The following CNTN5 variants were observed in gnomAD, a reference collection of about 807,000 sequenced individuals.
CNTN5 encodes contactin 5.
A neutral mutation model predicts 129.1 loss-of-function variants in CNTN5; 77 were observed. The observed-to-expected ratio is 0.60, with a 90% CI of 0.50 to 0.72. CNTN5 has a LOEUF of 0.72. CNTN5 is among the 30% of genes least tolerant of loss of function. The probability of loss-of-function intolerance (pLI) is 0.00; values close to 1 mark genes in which losing one functional copy is unlikely to be tolerated. For missense variants in CNTN5, 1,478 were observed against 1,328.8 expected (o/e 1.11, Z -1.75); for synonymous variants, 509 against 465.6 (o/e 1.09, Z -1.20).
At chr11:100,101,551 C>A (rs576455247) in intron 13 of CNTN5, among the ~76,000 whole-genome samples, 1 of 152,146 alleles carries the variant, frequency 6.6e-6, no homozygotes, top group Non-Finnish European at 1.5e-5. Context: ...TTACTCTAAA[C>A]TCCTAAGAAA....
chr11:99,578,342 C>T (rs916326700), intron 3 of CNTN5, among the ~76,000 whole-genome samples: 97 of 150,640 alleles, frequency 6.4e-4, no homozygotes, highest in South Asian at 1.5e-3. Context: ...GGGTATATAC[C>T]CAGTAATGGG....
intron 1 of CNTN5, among the ~76,000 whole-genome samples, chr11:99,037,214 G>A (rs1039861883): frequency 2.0e-5 from 3 of 152,116 alleles, no homozygotes; most frequent in African/African-American, 7.2e-5. Context: ...GAATCTCACT[G>A]GGAATTTTTT....
chr11:99,149,709 T>C (rs1178829654), intron 1 of CNTN5, among the ~76,000 whole-genome samples: 4 of 152,192 alleles, frequency 2.6e-5, no homozygotes, highest in Non-Finnish European at 4.4e-5. Flanking sequence ...ACTGCTTCTA[T>C]CTATGGATGT....
intron 1 of CNTN5, among the ~76,000 whole-genome samples, chr11:99,119,541 T>C (rs1858205368): frequency 6.6e-6 from 1 of 152,220 alleles, no homozygotes; most frequent in South Asian, 2.1e-4. Flanking sequence ...ATACCATTTA[T>C]GGGCATTCAG....
intron 3 of CNTN5, among the ~76,000 whole-genome samples, chr11:99,560,392 A>G (rs1442194342): frequency 6.6e-6 from 1 of 151,826 alleles, no homozygotes; most frequent in African/African-American, 2.4e-5. Flanking sequence ...TCCGGGTTCA[A>G]GAAATTCTCC....
chr11:99,270,051 T>A, intron 1 of CNTN5, among the ~76,000 whole-genome samples: 1 of 151,838 alleles, frequency 6.6e-6, no homozygotes, highest in East Asian at 1.9e-4. Flanking sequence ...TTAATCTCTT[T>A]ATTTACTTAC....
At chr11:99,050,682 A>G (rs912302489) in intron 1 of CNTN5, among the ~76,000 whole-genome samples, 4 of 151,916 alleles carry the variant, frequency 2.6e-5, no homozygotes, top group Admixed American at 6.6e-5. Flanking sequence ...CATAGTTACT[A>G]TTGTTTATGC....
chr11:99,841,359 T>A (rs997097237), intron 4 of CNTN5, among the ~76,000 whole-genome samples: 1 of 152,162 alleles, frequency 6.6e-6, no homozygotes, highest in Non-Finnish European at 1.5e-5. Flanking sequence ...CTTGTCCTGT[T>A]TTCACAATTT....
In CNTN5 at chr11:99,320,458, A is replaced by G. The variant is rs1001375527; in HGVS notation, c.-209-4888A>G. Among the ~76,000 whole-genome samples the G allele has an allele frequency of 2.0e-5, 3 of 152,132 alleles. No individual in the cohort carries two copies. The South Asian group carries it at 6.2e-4, about 32-fold the overall frequency. On this transcript the variant is annotated intron_variant, in intron 1 of 24. Transcript: ENST00000524871. The stretch of plus-strand genomic sequence containing the variant: ...TTGAGGAATCCAAGGGAAAAAAGAG[A>G]CATAAATTTGGAAGTTTTTTGTGTA...
chr11:99,140,418 G>T (rs1859453853), intron 1 of CNTN5, among the ~76,000 whole-genome samples: 1 of 151,808 alleles, frequency 6.6e-6, no homozygotes, highest in African/African-American at 2.4e-5. Context: ...ATATCATCTG[G>T]GAAGAGAGAT....
At chr11:100,116,962 TGAA>T (rs1945859781) in intron 13 of CNTN5, among the ~76,000 whole-genome samples, 1 of 152,034 alleles carries the variant, frequency 6.6e-6, no homozygotes, top group African/African-American at 2.4e-5. Flanking sequence ...AGGTAGGAGT[TGAA>T]GAAATTCTCA....
intron 1 of CNTN5, among the ~76,000 whole-genome samples, chr11:99,141,530 T>C (rs1484001812): frequency 6.6e-6 from 1 of 152,190 alleles, no homozygotes; most frequent in Non-Finnish European, 1.5e-5. Flanking sequence ...GCTCTCATTT[T>C]GGCTATTTCT....
At chr11:99,795,342 T>G (rs1945894537) in intron 3 of CNTN5, among the ~76,000 whole-genome samples, 1 of 152,124 alleles carries the variant, frequency 6.6e-6, no homozygotes, top group Non-Finnish European at 1.5e-5. Context: ...TTCCTTAGAG[T>G]TTTTGGATTG....
At chr11:100,302,354 C>T (rs1001686394) in intron 20 of CNTN5, among the ~76,000 whole-genome samples, 4 of 151,596 alleles carry the variant, frequency 2.6e-5, no homozygotes, top group Non-Finnish European at 4.4e-5. Context: ...TATCATTATA[C>T]TCTTGCCCAA....
intron 2 of CNTN5, among the ~76,000 whole-genome samples, chr11:99,422,662 G>A (rs369028535): frequency 6.6e-5 from 10 of 151,190 alleles, no homozygotes; most frequent in African/African-American, 2.2e-4. Flanking sequence ...AGGGAATAGA[G>A]AGGGTTTTTT....
intron 9 of CNTN5, among the ~76,000 whole-genome samples, chr11:100,037,887 C>G (rs1239618352): frequency 1.3e-5 from 2 of 152,098 alleles, no homozygotes; most frequent in Admixed American, 6.5e-5. Context: ...TGCTGGCGGT[C>G]TATCAATTTT....
intron 8 of CNTN5, among the ~76,000 whole-genome samples, chr11:99,998,941 C>T (rs994808613): frequency 6.6e-6 from 1 of 151,522 alleles, no homozygotes; most frequent in Non-Finnish European, 1.5e-5. Flanking sequence ...GCTGGGAAAA[C>T]TGGCTAGCCA....
intron 3 of CNTN5, among the ~76,000 whole-genome samples, chr11:99,656,297 C>T (rs1952360768): frequency 6.6e-6 from 1 of 152,062 alleles, no homozygotes; most frequent in South Asian, 2.1e-4. Context: ...TACTCTTTCT[C>T]CCTCCACCTT....
intron 4 of CNTN5, among the ~76,000 whole-genome samples, chr11:99,834,836 A>T (rs1266586164): frequency 6.6e-6 from 1 of 152,176 alleles, no homozygotes; most frequent in East Asian, 1.9e-4. Context: ...TTTATAATTT[A>T]CAAGTTTAGT....
Sources: allele counts gnomAD v4.1 joint callset (sites outside exome capture counted in the v4.1 genomes callset), GRCh38; gene constraint gnomAD v4.1.1; transcripts MANE v1.5; gene names NCBI Gene and HGNC (gene_info 2026-07-23, HGNC 2026-07-21).